Variants in EXOC4 observed in about 807,000 individuals in gnomAD.
EXOC4 encodes the protein exocyst complex component 4, also known as SEC8-like 1.
A neutral mutation model predicts 107.2 loss-of-function variants in EXOC4; 71 were observed. The observed-to-expected ratio is 0.66, with a 90% confidence interval of 0.55 to 0.81. EXOC4 has a LOEUF of 0.81. Ranked by LOEUF, EXOC4 falls within the 30% of genes least tolerant of loss-of-function variation. The pLI is 0.00. For synonymous variants in EXOC4, 456 were observed against 441.2 expected (o/e 1.03, Z -0.42); for missense variants, 1,108 against 1,189.6 (o/e 0.93, Z 1.01).
chr7:133,365,728 A>G (rs1796235964), intron 6 of EXOC4, among the ~76,000 whole-genome samples: 1 of 152,202 alleles, frequency 6.6e-6, no homozygotes, highest in Non-Finnish European at 1.5e-5. Flanking sequence ...AACCTTGAAG[A>G]TTAAATGGGC....
intron 2 of EXOC4, among the ~76,000 whole-genome samples, chr7:133,284,255 C>G (rs530572516): frequency 1.3e-5 from 2 of 152,072 alleles, no homozygotes; most frequent in African/African-American, 2.4e-5. Flanking sequence ...TTACTGACAC[C>G]CTGTAAGTTT....
chr7:133,930,077 T>A (rs1376037253), intron 13 of EXOC4, among the ~76,000 whole-genome samples: 1 of 152,214 alleles, frequency 6.6e-6, no homozygotes, highest in Non-Finnish European at 1.5e-5. Flanking sequence ...CTATACTCAG[T>A]AGTGGAAAAA....
intron 9 of EXOC4, among the ~76,000 whole-genome samples, chr7:133,564,939 C>G (rs896590798): frequency 7.9e-5 from 12 of 152,156 alleles, no homozygotes; most frequent in Admixed American, 7.9e-4. Context: ...GTTCCAGGAA[C>G]TCAAACCTAA....
At position 133,649,927 on chromosome 7, in the gene EXOC4, A is replaced by G. The variant is rs1356231473; in HGVS notation, c.1514+19786A>G. Among the ~76,000 whole-genome samples the G allele has an allele frequency of 2.0e-5, 3 of 152,260 alleles. No individual in the cohort carries two copies. In the East Asian group the frequency reaches 5.8e-4, roughly 29 times the overall value. On this transcript the variant is annotated intron_variant, in intron 10 of 17. Transcript: ENST00000253861. ...ACTGAATGAGAACCTATTTAATATT[A>G]TGTCACTACTTTGGGGAAAAATAAT...
chr7:133,654,743 A>G (rs1803246479), intron 10 of EXOC4, among the ~76,000 whole-genome samples: 2 of 152,162 alleles, frequency 1.3e-5, no homozygotes, highest in South Asian at 4.1e-4. Flanking sequence ...ATGCGCCATT[A>G]GGTGATTTCA....
intron 7 of EXOC4, among the ~76,000 whole-genome samples, chr7:133,421,519 C>T (rs1797606806): frequency 6.6e-6 from 1 of 152,196 alleles, no homozygotes; most frequent in Non-Finnish European, 1.5e-5. Flanking sequence ...AGAGGGAACT[C>T]AGATCTGAAG....
At chr7:133,953,981 C>A (rs997496277) in intron 14 of EXOC4, among the ~76,000 whole-genome samples, 1 of 152,156 alleles carries the variant, frequency 6.6e-6, no homozygotes, top group African/African-American at 2.4e-5. Context: ...TGCAGGAACC[C>A]CAAGGATTCC....
At chr7:133,320,811 A>G (rs1370034747) in intron 5 of EXOC4, among the ~76,000 whole-genome samples, 1 of 152,232 alleles carries the variant, frequency 6.6e-6, no homozygotes, top group Non-Finnish European at 1.5e-5. Context: ...GGAATTGTAT[A>G]AATGAGGAAG....
intron 9 of EXOC4, among the ~76,000 whole-genome samples, chr7:133,561,983 A>G (rs1266647304): frequency 2.0e-5 from 3 of 152,122 alleles, no homozygotes; most frequent in African/African-American, 7.2e-5. Context: ...TCAGTATTTA[A>G]TATTAGTGTT....
chr7:133,591,966 C>G (rs1801559923), intron 9 of EXOC4, among the ~76,000 whole-genome samples: 1 of 152,268 alleles, frequency 6.6e-6, no homozygotes, highest in Non-Finnish European at 1.5e-5. Flanking sequence ...ACTCAGTACT[C>G]TAAAATTCAC....
At chr7:133,457,183 A>G (rs1462241381) in intron 7 of EXOC4, among the ~76,000 whole-genome samples, 2 of 152,208 alleles carry the variant, frequency 1.3e-5, no homozygotes, top group South Asian at 2.1e-4. Context: ...CTCAATGAAT[A>G]AAGGCACAGA....
intron 10 of EXOC4, among the ~76,000 whole-genome samples, chr7:133,679,410 C>T (rs1241219517): frequency 6.6e-6 from 1 of 152,130 alleles, no homozygotes. Flanking sequence ...CTCCTCCCTC[C>T]ATGATGTTAA....
At chr7:133,563,156 A>G (rs1800840965) in intron 9 of EXOC4, among the ~76,000 whole-genome samples, 1 of 151,994 alleles carries the variant, frequency 6.6e-6, no homozygotes, top group Non-Finnish European at 1.5e-5. Flanking sequence ...CTCTGGCATT[A>G]GTGGTCATTT....
At chr7:133,728,855 A>G (rs1047374141) in intron 10 of EXOC4, among the ~76,000 whole-genome samples, 11 of 152,190 alleles carry the variant, frequency 7.2e-5, no homozygotes, top group African/African-American at 2.7e-4. Flanking sequence ...TTAGTAATAC[A>G]GAACTCTCCA....
rs17167415 is a variant in EXOC4 at position 134,045,362 on chromosome 7, G to A, written c.2688-18929G>A. On this transcript the variant is annotated intron_variant, in intron 17 of 17. Transcript: ENST00000253861. ...TGGGGGTCAGTTAACTTACAAAAGC[G>A]TAGAGCCCTGAGACATGACTTTAAT... 2.5e-3 allele frequency among the ~76,000 whole-genome samples: 376 copies of A among 152,304 alleles called. 7 individuals carry two copies. In the East Asian group the frequency reaches 0.05, roughly 20 times the overall value.
intron 11 of EXOC4, among the ~76,000 whole-genome samples, chr7:133,834,143 A>C (rs551297548): frequency 1.3e-5 from 2 of 152,252 alleles, no homozygotes; most frequent in East Asian, 1.9e-4. Flanking sequence ...TTTCTCTTCA[A>C]ATAATCTGAT....
chr7:133,394,413 C>T (rs1358637087), intron 7 of EXOC4, among the ~76,000 whole-genome samples: 1 of 151,868 alleles, frequency 6.6e-6, no homozygotes, highest in East Asian at 1.9e-4. Context: ...TTGTAATTAC[C>T]TTCTTTAAGT....
At chr7:133,257,711 G>T (rs1795051010) in intron 1 of EXOC4, among the ~76,000 whole-genome samples, 1 of 152,180 alleles carries the variant, frequency 6.6e-6, no homozygotes, top group Non-Finnish European at 1.5e-5. Context: ...ACACACTCTG[G>T]TTACAGATGT....
At chr7:133,713,852 A>G (rs1362735) in intron 10 of EXOC4, among the ~76,000 whole-genome samples, 52,220 of 151,930 alleles carry the variant, frequency 0.34, 9,130 homozygotes, top group South Asian at 0.45. Context: ...CCCGCCCCAA[A>G]CATGCTGAAC....
Sources: gnomAD v4.1 joint callset for allele counts (sites outside exome capture counted in the v4.1 genomes callset) on GRCh38, gnomAD v4.1.1 for gene constraint, MANE v1.5 for transcripts, NCBI Gene and HGNC (gene_info 2026-07-23, HGNC 2026-07-21) for gene names.